Variants in SPAG16 observed in about 807,000 individuals in gnomAD.
SPAG16 encodes the protein sperm associated antigen 16.
A neutral mutation model predicts 80.4 loss-of-function variants in SPAG16; 86 were observed. The observed-to-expected ratio is 1.07, with a 90% CI of 0.90 to 1.28. The LOEUF is 1.28. SPAG16 is among the 50% of genes most tolerant of loss of function. The pLI, the probability that SPAG16 is intolerant of heterozygous loss-of-function variation, is 0.00. For missense variants in SPAG16, 870 were observed against 765.3 expected, an observed-to-expected ratio of 1.14 and a Z score of -1.61; for synonymous variants, 294 against 265.9, an observed-to-expected ratio of 1.11 and a Z score of -1.03.
At chr2:213,521,955 T>C (rs886975290) in intron 10 of SPAG16, among the ~76,000 whole-genome samples, 1 of 152,220 alleles carries the variant, frequency 6.6e-6, no homozygotes, top group Non-Finnish European at 1.5e-5. Context: ...GGGAGTATCA[T>C]TGGAAACCAA....
chr2:213,771,504 G>A (rs1194833447), intron 10 of SPAG16, among the ~76,000 whole-genome samples: 2 of 151,988 alleles, frequency 1.3e-5, no homozygotes, highest in Non-Finnish European at 2.9e-5. Context: ...TGCTTCTGGT[G>A]TTTTCATCAT....
chr2:214,347,694 G>C (rs1698146872), intron 15 of SPAG16, among the ~76,000 whole-genome samples: 1 of 152,186 alleles, frequency 6.6e-6, no homozygotes, highest in Non-Finnish European at 1.5e-5. Context: ...TCTCAAAAAG[G>C]TTTGTGAGTG....
At chr2:213,404,271 C>T (rs1019294358) in intron 9 of SPAG16, among the ~76,000 whole-genome samples, 1 of 152,162 alleles carries the variant, frequency 6.6e-6, no homozygotes, top group Non-Finnish European at 1.5e-5. Flanking sequence ...GCCAAAAGAA[C>T]AAAGCTGGAG....
intron 10 of SPAG16, among the ~76,000 whole-genome samples, chr2:213,713,823 A>T (rs2066112640): frequency 1.3e-5 from 2 of 152,202 alleles, no homozygotes; most frequent in African/African-American, 4.8e-5. Context: ...TAGCTTGAAA[A>T]GCAATGAACT....
chr2:213,327,812 G>A (rs1326742299), intron 5 of SPAG16, among the ~76,000 whole-genome samples: 1 of 152,066 alleles, frequency 6.6e-6, no homozygotes, highest in South Asian at 2.1e-4. Context: ...GATAAATTTA[G>A]CGCTTAGAAG....
chr2:213,628,499 G>A (rs1190868618), intron 10 of SPAG16, among the ~76,000 whole-genome samples: 1 of 152,178 alleles, frequency 6.6e-6, no homozygotes, highest in African/African-American at 2.4e-5. Flanking sequence ...CAAAGAACAG[G>A]TATGTGCCAG....
At chr2:213,357,169 C>T (rs1057165024) in intron 7 of SPAG16, among the ~76,000 whole-genome samples, 1 of 152,072 alleles carries the variant, frequency 6.6e-6, no homozygotes, top group Non-Finnish European at 1.5e-5. Context: ...GAGTGCTTTA[C>T]TTCCAATTAT....
intron 10 of SPAG16, among the ~76,000 whole-genome samples, chr2:213,782,312 T>C (rs1222432383): frequency 6.6e-6 from 1 of 152,006 alleles, no homozygotes; most frequent in Non-Finnish European, 1.5e-5. Context: ...TACTAAACAA[T>C]GATGTAAAAG....
chr2:214,072,103 A>G (rs2050814514), intron 13 of SPAG16, among the ~76,000 whole-genome samples: 1 of 152,098 alleles, frequency 6.6e-6, no homozygotes, highest in Non-Finnish European at 1.5e-5. Context: ...GCACTTTTCT[A>G]AAGATAAATA....
chr2:213,292,096 A>G (rs897835041), intron 1 of SPAG16, among the ~76,000 whole-genome samples: 5 of 152,142 alleles, frequency 3.3e-5, no homozygotes, highest in South Asian at 4.1e-4. Context: ...TTTCTACTCT[A>G]TATTGCCATG....
chr2:214,214,110 G>T (rs1187281339), intron 15 of SPAG16, among the ~76,000 whole-genome samples: 5 of 151,276 alleles, frequency 3.3e-5, no homozygotes, highest in African/African-American at 4.9e-5. Flanking sequence ...GAAACAATTT[G>T]CTTTCTTATA....
intron 15 of SPAG16, among the ~76,000 whole-genome samples, chr2:214,352,325 A>ATGGT (rs2126051417): frequency 6.6e-6 from 1 of 152,302 alleles, no homozygotes; most frequent in East Asian, 1.9e-4. Flanking sequence ...TTTGATTTTA[A>ATGGT]TGGTTTGACA....
chr2:214,351,717 A>AC (rs781617485), intron 15 of SPAG16, among the ~76,000 whole-genome samples: 7 of 150,332 alleles, frequency 4.7e-5, no homozygotes, highest in South Asian at 2.1e-4. Flanking sequence ...CAAACAAACA[A>AC]ACAAAAAAAA....
intron 15 of SPAG16, among the ~76,000 whole-genome samples, chr2:214,158,368 A>G (rs928251687): frequency 3.9e-4 from 59 of 152,068 alleles, no homozygotes; most frequent in African/African-American, 1.2e-3. Context: ...TGATATAAAA[A>G]TATTATTTAA....
In SPAG16 at chr2:214,140,937, G is replaced by T. The variant is rs1413919493; in HGVS notation, c.1594-8203G>T. 1.4e-3 allele frequency among the ~76,000 whole-genome samples: 61 copies of T among 44,518 alleles called. 2 individuals carry two copies. The highest frequency in any genetic ancestry group is 1.9e-3 in the Non-Finnish European group (45 of 24,078). 29.2% of individuals were successfully genotyped at this position (44,518 alleles called of 152,430 possible). A position where few individuals can be genotyped will look rare whatever the true frequency, so the allele number is the denominator to read the frequency against. ...TTGTTAAGTATATCCCATTGGTGGGGGGGGGGGGGTGGGGGGTGGGGGGAT... is the reference window on the plus strand; with the variant it reads ...TTGTTAAGTATATCCCATTGGTGGGTGGGGGGGGGTGGGGGGTGGGGGGAT... On this transcript the variant is annotated intron_variant, in intron 14 of 15. Coordinates refer to ENST00000331683, the MANE Select transcript of SPAG16 (RefSeq NM_024532.5).
intron 12 of SPAG16, among the ~76,000 whole-genome samples, chr2:214,002,014 CAA>C (rs1038187686): frequency 3.3e-5 from 5 of 152,106 alleles, no homozygotes; most frequent in Admixed American, 6.6e-5. Flanking sequence ...TGGTGGCAGA[CAA>C]GAGAGAATGA....
At chr2:213,765,184 C>G (rs2068868010) in intron 10 of SPAG16, among the ~76,000 whole-genome samples, 1 of 152,204 alleles carries the variant, frequency 6.6e-6, no homozygotes, top group African/African-American at 2.4e-5. Context: ...TCCTGGCCAA[C>G]ACGGTGAAAC....
chr2:214,114,371 G>C (rs185931421), intron 14 of SPAG16, among the ~76,000 whole-genome samples: 20 of 152,358 alleles, frequency 1.3e-4, no homozygotes, highest in Non-Finnish European at 2.6e-4. Context: ...AGAGCTGTCA[G>C]ACAGGGACGT....
intron 9 of SPAG16, among the ~76,000 whole-genome samples, chr2:213,457,592 T>A (rs143246508): frequency 0.02 from 3,068 of 152,306 alleles, 45 homozygotes; most frequent in Middle Eastern, 0.051. Context: ...TTCTTTTTTT[T>A]AAAACCCTTG....
Sources: gnomAD v4.1 joint callset for allele counts (sites outside exome capture counted in the v4.1 genomes callset) on GRCh38, gnomAD v4.1.1 for gene constraint, MANE v1.5 for transcripts, NCBI Gene and HGNC (gene_info 2026-07-23, HGNC 2026-07-21) for gene names.